Variants in RFX3 observed in about 807,000 individuals in gnomAD.
RFX3 encodes transcription factor RFX3.
Under a neutral mutation model 98.6 loss-of-function variants are expected in RFX3, and 14 were observed. That is an observed-to-expected ratio of 0.14 (90% CI 0.09 to 0.22). The LOEUF (loss-of-function observed/expected upper bound fraction) is 0.22, where lower values mean the gene tolerates loss of function less well. RFX3 is among the 10% of genes least tolerant of loss of function. The pLI is 1.00. For synonymous variants in RFX3, 383 were observed against 328.4 expected (o/e 1.17, Z -1.80); for missense variants, 639 against 926.9 (o/e 0.69, Z 4.03).
intron 1 of RFX3, among the ~76,000 whole-genome samples, chr9:3,408,078 G>A (rs1188463561): frequency 1.3e-5 from 2 of 152,140 alleles, no homozygotes; most frequent in African/African-American, 4.8e-5. Context: ...CAAAAGAAGG[G>A]GCAATCTCAA....
intron 2 of RFX3, among the ~76,000 whole-genome samples, chr9:3,388,128 C>T (rs537082931): frequency 3.3e-5 from 5 of 152,212 alleles, no homozygotes; most frequent in African/African-American, 9.6e-5. Context: ...GTTGTAACGA[C>T]ATACTACTCA....
At chr9:3,374,726 G>C (rs990414226) in intron 2 of RFX3, among the ~76,000 whole-genome samples, 2 of 152,116 alleles carry the variant, frequency 1.3e-5, no homozygotes, top group Non-Finnish European at 2.9e-5. Flanking sequence ...AATGGGTAGA[G>C]AGTTTCAGCT....
chr9:3,416,877 A>T (rs907783580), intron 1 of RFX3, among the ~76,000 whole-genome samples: 7 of 152,152 alleles, frequency 4.6e-5, no homozygotes, highest in African/African-American at 1.7e-4. Context: ...AGTAGATTTA[A>T]ATCCAACCGT....
At chr9:3,418,291 G>A (rs568272759) in intron 1 of RFX3, among the ~76,000 whole-genome samples, 64 of 152,298 alleles carry the variant, frequency 4.2e-4, no homozygotes, top group African/African-American at 1.5e-3. Flanking sequence ...CTTTCTGTGG[G>A]CTTACAACAG....
intron 2 of RFX3, among the ~76,000 whole-genome samples, chr9:3,381,704 G>A (rs1035241828): frequency 6.6e-6 from 1 of 151,654 alleles, no homozygotes; most frequent in Non-Finnish European, 1.5e-5. Context: ...ATAAATAGCT[G>A]AAATTACTAC....
At chr9:3,328,766 G>A (rs1169731327) in intron 4 of RFX3, among the ~76,000 whole-genome samples, 1 of 152,052 alleles carries the variant, frequency 6.6e-6, no homozygotes, top group East Asian at 1.9e-4. Context: ...TACTTACCAA[G>A]CACATATAAT....
chr9:3,358,081 T>G (rs577952771), intron 2 of RFX3, among the ~76,000 whole-genome samples: 14 of 152,074 alleles, frequency 9.2e-5, no homozygotes, highest in Non-Finnish European at 1.5e-4. Context: ...ATTAAGAGGT[T>G]CTTGTGCTGA....
intron 3 of RFX3, among the ~76,000 whole-genome samples, chr9:3,345,690 T>C (rs1338111047): frequency 2.6e-5 from 4 of 152,082 alleles, no homozygotes; most frequent in African/African-American, 9.7e-5. Flanking sequence ...ATAAAACGAA[T>C]ACAAAATTAA....
At chr9:3,401,170 T>A (rs988288226) in intron 1 of RFX3, among the ~76,000 whole-genome samples, 3 of 152,186 alleles carry the variant, frequency 2.0e-5, no homozygotes, top group African/African-American at 7.2e-5. Context: ...CTAATACGTA[T>A]TTTTCCAGAG....
At chr9:3,500,005 T>A (rs1379744498) in intron 1 of RFX3, among the ~76,000 whole-genome samples, 2 of 152,168 alleles carry the variant, frequency 1.3e-5, no homozygotes, top group African/African-American at 4.8e-5. Flanking sequence ...TGTCCTTCAA[T>A]GGTTGCTTTC....
Position 3,275,625 on chromosome 9 carries a change from C to G in RFX3, c.974-13G>C, listed in dbSNP as rs147166296. The G allele has an allele frequency of 4.4e-3, 6,741 of 1,515,968 alleles. 26 individuals are homozygous for G. Among genetic ancestry groups the G allele is most frequent in the Middle Eastern group, 8.5e-3 (50 of 5,878 alleles). 93.9% of individuals were successfully genotyped at this position (1,515,968 alleles called of 1,614,324 possible). A position where few individuals can be genotyped will look rare whatever the true frequency, so the allele number is the denominator to read the frequency against. On this transcript the variant is annotated splice_polypyrimidine_tract_variant and intron_variant, in intron 8 of 16. Coordinates refer to ENST00000617270, the MANE Select transcript of RFX3 (RefSeq NM_001282116.2). ...GCTCGAGATGCATCTGTTACCGTGACAACAGAACAGAAAAAAGCTATTGTG... is the reference window on the plus strand; with the variant it reads ...GCTCGAGATGCATCTGTTACCGTGAGAACAGAACAGAAAAAAGCTATTGTG...
At chr9:3,409,171 TA>T (rs758713723) in intron 1 of RFX3, among the ~76,000 whole-genome samples, 1 of 152,242 alleles carries the variant, frequency 6.6e-6, no homozygotes, top group African/African-American at 2.4e-5. Context: ...GATCAGAATC[TA>T]TTTACTTTAA....
chr9:3,305,154 A>G (rs1829129049), intron 4 of RFX3, among the ~76,000 whole-genome samples: 2 of 152,030 alleles, frequency 1.3e-5, no homozygotes, highest in Non-Finnish European at 2.9e-5. Flanking sequence ...CTGTGTCCAT[A>G]TTTGGGAAAT....
intron 1 of RFX3, among the ~76,000 whole-genome samples, chr9:3,493,853 A>G (rs1483644529): frequency 2.6e-5 from 4 of 151,676 alleles, no homozygotes; most frequent in African/African-American, 4.8e-5. Context: ...TCTTTATACC[A>G]AAATCATACT....
In RFX3 at chr9:3,270,642, T is replaced by C; in HGVS notation, c.1203-117A>G. ...ACTGAGGTTAGAACTATACCACCAT[T>C]GCACTGGTGCCATACAGCTGGCTAT... On this transcript the variant is annotated intron_variant, in intron 10 of 16. Transcript: ENST00000617270. 5 of 989,684 alleles carry C rather than the reference T, an allele frequency of 5.1e-6. No individual in the cohort carries two copies. In the South Asian group the frequency reaches 6.4e-5, roughly 13 times the overall value. The allele number at this position is 989,684 out of a possible 1,614,324, so 61.3% of individuals were successfully genotyped here.
rs1488850967 is a variant in RFX3, at chr9:3,220,286, A to C, written c.*4756T>G. ...CCTTTCTTCCTAAGGCTTTACTTAC[A>C]CTTGTACTTTCTAAAGCTAAATAAA... On this transcript the variant is annotated 3_prime_UTR_variant, in exon 17 of 17. Transcript: ENST00000617270. 1 of 151,952 alleles carries C rather than the reference A, an allele frequency of 6.6e-6. No individual in the cohort carries two copies. The highest frequency in any genetic ancestry group is 1.5e-5 in the Non-Finnish European group (1 of 67,980). The allele number at this position is 151,952 out of a possible 1,614,324, so 9.4% of individuals were successfully genotyped here. A position where few individuals can be genotyped will look rare whatever the true frequency, so the allele number is the denominator to read the frequency against.
chr9:3,394,747 G>C, intron 2 of RFX3: 1 of 768,748 alleles, frequency 1.3e-6, no homozygotes, highest in Non-Finnish European at 1.6e-6. Context: ...TCAAGATAAT[G>C]TTATATGACA....
At chr9:3,252,377 G>C (rs1421681734) in intron 14 of RFX3, among the ~76,000 whole-genome samples, 4 of 152,188 alleles carry the variant, frequency 2.6e-5, no homozygotes, top group Non-Finnish European at 5.9e-5. Context: ...TAGGGAGTAA[G>C]AGATCCTATA....
chr9:3,503,552 T>C (rs888240792), intron 1 of RFX3, among the ~76,000 whole-genome samples: 1 of 151,984 alleles, frequency 6.6e-6, no homozygotes, highest in Non-Finnish European at 1.5e-5. Flanking sequence ...CAAACTGAAA[T>C]GGAAAATATG....
Sources: allele counts gnomAD v4.1 joint callset (sites outside exome capture counted in the v4.1 genomes callset), GRCh38; gene constraint gnomAD v4.1.1; transcripts MANE v1.5; gene names NCBI Gene and HGNC (gene_info 2026-07-23, HGNC 2026-07-21).